The following LMX1A variants were observed in gnomAD, a reference collection of about 807,000 sequenced individuals.
LMX1A encodes LIM homeobox transcription factor 1 alpha.
A neutral mutation model predicts 49.1 loss-of-function variants in LMX1A; 15 were observed. The observed-to-expected ratio is 0.31, with a 90% CI of 0.20 to 0.47. The LOEUF is 0.47. LMX1A is among the 20% of genes least tolerant of loss of function. LMX1A has a pLI of 1.00. For missense variants in LMX1A, 372 were observed against 475.8 expected (o/e 0.78, Z 2.03); for synonymous variants, 167 against 185.7 (o/e 0.90, Z 0.82).
At chr1:165,253,041 C>T (rs1295364212) in intron 3 of LMX1A, among the ~76,000 whole-genome samples, 1 of 152,214 alleles carries the variant, frequency 6.6e-6, no homozygotes, top group African/African-American at 2.4e-5. Context: ...AAAGAAACCA[C>T]CATCCCAACA....
At chr1:165,343,601 T>C (rs1442555997) in intron 3 of LMX1A, among the ~76,000 whole-genome samples, 1 of 152,166 alleles carries the variant, frequency 6.6e-6, no homozygotes, top group Admixed American at 6.5e-5. Flanking sequence ...ACTTTTTCAG[T>C]AATGGAGAGA....
intron 3 of LMX1A, among the ~76,000 whole-genome samples, chr1:165,339,016 C>T (rs115370145): frequency 0.028 from 4,213 of 152,300 alleles, 84 homozygotes; most frequent in Non-Finnish European, 0.042. Flanking sequence ...TGTTCCACAC[C>T]TCAGAGAGCT....
intron 3 of LMX1A, among the ~76,000 whole-genome samples, chr1:165,341,983 T>C (rs1459918804): frequency 2.8e-4 from 42 of 152,224 alleles, no homozygotes; most frequent in Admixed American, 2.6e-3. Context: ...ATGTGTTACC[T>C]GAAATCTCTA....
intron 6 of LMX1A, among the ~76,000 whole-genome samples, chr1:165,209,804 G>T (rs1015049818): frequency 6.6e-6 from 1 of 152,232 alleles, no homozygotes; most frequent in African/African-American, 2.4e-5. Flanking sequence ...AAGGGGTGGG[G>T]TCACTGGAAT....
intron 3 of LMX1A, among the ~76,000 whole-genome samples, chr1:165,335,866 T>C (rs7522238): frequency 0.79 from 120,420 of 151,698 alleles, 48,169 homozygotes; most frequent in Middle Eastern, 0.91. Flanking sequence ...TTTACATCCT[T>C]TTAAAATATT....
At chr1:165,237,805 T>C (rs937913037) in intron 4 of LMX1A, among the ~76,000 whole-genome samples, 4 of 152,224 alleles carry the variant, frequency 2.6e-5, no homozygotes, top group South Asian at 2.1e-4. Context: ...AAGGTGATTC[T>C]TCCATTTGCT....
chr1:165,301,173 CT>C (rs1175775666), intron 3 of LMX1A, among the ~76,000 whole-genome samples: 1 of 152,112 alleles, frequency 6.6e-6, no homozygotes, highest in Non-Finnish European at 1.5e-5. Context: ...TGTGGAAACC[CT>C]TGATGGGCCA....
At chr1:165,214,054 C>T (rs1016262725) in intron 4 of LMX1A, among the ~76,000 whole-genome samples, 1 of 152,206 alleles carries the variant, frequency 6.6e-6, no homozygotes, top group Non-Finnish European at 1.5e-5. Context: ...AGCATCATAT[C>T]CTGGCTCCGC....
chr1:165,295,893 T>C (rs1385310527), intron 3 of LMX1A, among the ~76,000 whole-genome samples: 1 of 152,196 alleles, frequency 6.6e-6, no homozygotes. Context: ...GCCTGGAATC[T>C]GCACACCAGG....
chr1:165,344,870 C>T (rs1263878155), intron 3 of LMX1A, among the ~76,000 whole-genome samples: 3 of 152,342 alleles, frequency 2.0e-5, no homozygotes, highest in Admixed American at 6.5e-5. Flanking sequence ...GGGCCCCATG[C>T]TCAGGAGAGA....
At position 165,355,436 on chromosome 1, in the gene LMX1A, G is replaced by T. The variant is rs1473847916; in HGVS notation, c.76+48C>A. The T allele has an allele frequency of 6.3e-7, 1 of 1,588,944 alleles. No homozygotes were observed. ...AGAGAGCGGGGCTCCAGAGCTCAGCGCCAAGCGGAAAGAGAGTGCGCCCAG... is the reference window on the plus strand; with the variant it reads ...AGAGAGCGGGGCTCCAGAGCTCAGCTCCAAGCGGAAAGAGAGTGCGCCCAG... On this transcript the variant is annotated intron_variant, in intron 2 of 8. Coordinates refer to ENST00000342310, the MANE Select transcript of LMX1A (RefSeq NM_177398.4). This position sits in a 1 kb window ranked among gnomAD's most constrained non-coding sequence, Gnocchi z 4.7.
At chr1:165,315,499 T>C (rs567089092) in intron 3 of LMX1A, among the ~76,000 whole-genome samples, 1 of 152,222 alleles carries the variant, frequency 6.6e-6, no homozygotes, top group Non-Finnish European at 1.5e-5. Flanking sequence ...ATTGGCATTA[T>C]GGAAGAAGGT....
intron 3 of LMX1A, among the ~76,000 whole-genome samples, chr1:165,297,206 C>T (rs1327589292): frequency 6.6e-6 from 1 of 152,212 alleles, no homozygotes; most frequent in African/African-American, 2.4e-5. Flanking sequence ...TGTGTTCACC[C>T]AGGTGCTGGA....
chr1:165,331,518 A>C (rs1230060826), intron 3 of LMX1A, among the ~76,000 whole-genome samples: 1 of 152,258 alleles, frequency 6.6e-6, no homozygotes. Flanking sequence ...AAAAAGAACA[A>C]TATCTGAAGT....
intron 4 of LMX1A, among the ~76,000 whole-genome samples, chr1:165,246,837 G>A (rs749886297): frequency 2.4e-4 from 37 of 152,108 alleles, no homozygotes; most frequent in Non-Finnish European, 4.9e-4. Context: ...CTCTGTGCCT[G>A]GCATGATACA....
At chr1:165,249,311 C>G (rs944117306) in intron 4 of LMX1A, 97 bp downstream of exon 4, 1 of 811,126 alleles carries the variant, frequency 1.2e-6, no homozygotes, top group African/African-American at 1.7e-5. Flanking sequence ...GCTAGGCTGC[C>G]CTGGAGGCTG....
intron 3 of LMX1A, among the ~76,000 whole-genome samples, chr1:165,324,648 T>C (rs910646900): frequency 2.6e-5 from 4 of 152,196 alleles, no homozygotes; most frequent in African/African-American, 9.7e-5. Flanking sequence ...TAAATATTAA[T>C]AACAACATGA....
intron 3 of LMX1A, among the ~76,000 whole-genome samples, chr1:165,287,043 T>C (rs1488000775): frequency 1.3e-5 from 2 of 152,138 alleles, no homozygotes; most frequent in Non-Finnish European, 2.9e-5. Flanking sequence ...ATTAATAATA[T>C]GTTAATAGAA....
chr1:165,304,413 T>G (rs1654867556), intron 3 of LMX1A, among the ~76,000 whole-genome samples: 1 of 152,216 alleles, frequency 6.6e-6, no homozygotes. Flanking sequence ...ATTTCCTGTT[T>G]GGGGACTATG....
Sources: gnomAD v4.1 joint callset for allele counts (sites outside exome capture counted in the v4.1 genomes callset) on GRCh38, gnomAD v4.1.1 for gene constraint, Gnocchi (gnomAD v3.1) non-coding constraint, MANE v1.5 for transcripts, NCBI Gene and HGNC (gene_info 2026-07-23, HGNC 2026-07-21) for gene names.